Variants in ZNF407 observed in about 807,000 individuals in gnomAD.
ZNF407 encodes zinc finger protein 407.
In ZNF407, 17 loss-of-function variants were observed where a neutral mutation model predicts 131.2. The observed-to-expected ratio is 0.13, with a 90% CI of 0.09 to 0.19. The LOEUF is 0.19. ZNF407 is among the 10% of genes least tolerant of loss of function. The pLI is 1.00. For synonymous variants in ZNF407, 1,156 were observed against 1,062.0 expected (o/e 1.09, Z -1.72); for missense variants, 2,681 against 2,830.6 (o/e 0.95, Z 1.20).
chr18:74,993,045 G>A (rs779574452), intron 8 of ZNF407, among the ~76,000 whole-genome samples: 3 of 152,090 alleles, frequency 2.0e-5, no homozygotes, highest in Non-Finnish European at 2.9e-5. Flanking sequence ...TGTAAAAATG[G>A]TACAGCCAAT....
At chr18:74,623,640 G>T (rs1465512606) in intron 1 of ZNF407, among the ~76,000 whole-genome samples, 3 of 152,210 alleles carry the variant, frequency 2.0e-5, no homozygotes, top group African/African-American at 4.8e-5. Context: ...CGGCCAGCAG[G>T]TGTCATCAGA....
chr18:75,012,966 AG>A (rs1307840506), intron 8 of ZNF407, among the ~76,000 whole-genome samples: 2 of 133,170 alleles, frequency 1.5e-5, no homozygotes, highest in Non-Finnish European at 3.3e-5. Flanking sequence ...AAAAAAAAAA[AG>A]GGTTTGTAGG....
chr18:74,617,269 T>G (rs997166021), intron 1 of ZNF407, among the ~76,000 whole-genome samples: 169 of 152,186 alleles, frequency 1.1e-3, no homozygotes, highest in African/African-American at 3.7e-3. Context: ...ACTCAGTCTG[T>G]ATCATCTAAG....
intron 3 of ZNF407, among the ~76,000 whole-genome samples, chr18:74,756,371 T>C (rs1215312880): frequency 2.6e-5 from 4 of 152,176 alleles, no homozygotes; most frequent in Non-Finnish European, 2.9e-5. Context: ...GTTGGAATTT[T>C]GATAGGGATT....
chr18:74,846,615 G>A (rs1438805934), intron 4 of ZNF407, among the ~76,000 whole-genome samples: 1 of 151,936 alleles, frequency 6.6e-6, no homozygotes, highest in African/African-American at 2.4e-5. Context: ...GGGATTACAG[G>A]TGTGAGCCAC....
intron 8 of ZNF407, among the ~76,000 whole-genome samples, chr18:75,006,820 ATTTTTTTTCT>A (rs983387231): frequency 1.3e-5 from 2 of 151,314 alleles, no homozygotes; most frequent in Non-Finnish European, 2.9e-5. Context: ...TACAAGTGTG[ATTTTTTTTCT>A]TTTTTTTTCT....
chr18:75,035,190 A>G (rs1387316208), intron 8 of ZNF407, among the ~76,000 whole-genome samples: 1 of 152,200 alleles, frequency 6.6e-6, no homozygotes, highest in Non-Finnish European at 1.5e-5. Context: ...GCATCTTCCC[A>G]TTCCAATGAC....
chr18:74,620,845 G>A (rs1354821299), intron 1 of ZNF407, among the ~76,000 whole-genome samples: 3 of 152,158 alleles, frequency 2.0e-5, no homozygotes, highest in African/African-American at 4.8e-5. Context: ...ATTCGGCTCC[G>A]ATGACCTGTG....
intron 8 of ZNF407, among the ~76,000 whole-genome samples, chr18:75,002,936 T>A (rs1568297689): frequency 6.6e-6 from 1 of 152,208 alleles, no homozygotes. Flanking sequence ...CTACTCCATT[T>A]CTCTTCAGGC....
rs1246979691 is a variant in ZNF407 at position 74,852,185 on chromosome 18, ACACACACACACACG to A, written c.4878-25008_4878-24995del. Among the ~76,000 whole-genome samples, 147 of 118,642 alleles carry A rather than the reference ACACACACACACACG, an allele frequency of 1.2e-3. 2 individuals carry two copies. The highest frequency in any genetic ancestry group is 4.5e-3 in the South Asian group (15 of 3,300). 77.8% of individuals were successfully genotyped at this position (118,642 alleles called of 152,430 possible). On this transcript the variant is annotated intron_variant, in intron 4 of 8. Transcript: ENST00000299687. ...ATGCTACACACACACACACACACAC[ACACACACACACACG>A]CACGCACGCACGCGCACGCGCGCGC...
At chr18:74,930,641 T>C (rs1295536495) in intron 8 of ZNF407, among the ~76,000 whole-genome samples, 1 of 152,214 alleles carries the variant, frequency 6.6e-6, no homozygotes, top group African/African-American at 2.4e-5. Context: ...CTTTTTATCA[T>C]TGTGGAGGTA....
At chr18:74,757,197 T>G (rs1968983811) in intron 3 of ZNF407, among the ~76,000 whole-genome samples, 1 of 152,014 alleles carries the variant, frequency 6.6e-6, no homozygotes. Context: ...GATCTTTTAT[T>G]CGTTTATTTT....
chr18:74,647,152 A>G (rs1459663520), intron 3 of ZNF407, among the ~76,000 whole-genome samples: 1 of 151,814 alleles, frequency 6.6e-6, no homozygotes, highest in Non-Finnish European at 1.5e-5. Flanking sequence ...TTTAAAATGC[A>G]ATTGTGATGG....
At chr18:74,933,926 C>T (rs1239490238) in intron 8 of ZNF407, among the ~76,000 whole-genome samples, 1 of 152,048 alleles carries the variant, frequency 6.6e-6, no homozygotes, top group African/African-American at 2.4e-5. Context: ...ATTAAAAACA[C>T]TTTGATGCAT....
intron 8 of ZNF407, among the ~76,000 whole-genome samples, chr18:75,046,188 G>A (rs769057668): frequency 4.6e-5 from 7 of 152,186 alleles, no homozygotes; most frequent in Non-Finnish European, 1.0e-4. Flanking sequence ...GTGGAGGTAT[G>A]TTCCATTTTC....
At chr18:74,671,887 G>A (rs936490244) in intron 3 of ZNF407, among the ~76,000 whole-genome samples, 9 of 152,118 alleles carry the variant, frequency 5.9e-5, no homozygotes, top group African/African-American at 1.4e-4. Flanking sequence ...TTGTCAGTAC[G>A]TATTTATTAA....
intron 3 of ZNF407, among the ~76,000 whole-genome samples, chr18:74,731,387 A>G (rs1444706277): frequency 1.3e-5 from 2 of 152,178 alleles, no homozygotes; most frequent in Non-Finnish European, 1.5e-5. Flanking sequence ...TTGGCTAGTC[A>G]TGAATTTTTT....
chr18:74,904,719 G>A lies in ZNF407; in HGVS notation c.5249+14681G>A, dbSNP rs925457072. The stretch of plus-strand genomic sequence containing the variant: ...GTAGATAGTATGATTGGAGATTTAA[G>A]TGGACAGGAATGTGGGAAACATGAA... On this transcript the variant is annotated intron_variant, in intron 7 of 8. Transcript: ENST00000299687. 4.5e-4 allele frequency among the ~76,000 whole-genome samples: 69 copies of A among 152,318 alleles called. 1 individual carries two copies. Among genetic ancestry groups the A allele is most frequent in the African/African-American group, 1.5e-3 (64 of 41,568 alleles).
intron 3 of ZNF407, among the ~76,000 whole-genome samples, chr18:74,767,474 T>A (rs1204768227): frequency 6.6e-6 from 1 of 152,124 alleles, no homozygotes; most frequent in Non-Finnish European, 1.5e-5. Context: ...TATTATTAAG[T>A]GCATCCTATT....
Sources: allele counts gnomAD v4.1 joint callset (sites outside exome capture counted in the v4.1 genomes callset), GRCh38; gene constraint gnomAD v4.1.1; transcripts MANE v1.5; gene names NCBI Gene and HGNC (gene_info 2026-07-23, HGNC 2026-07-21).